Variants in FOXO1 observed in about 807,000 individuals in gnomAD.
FOXO1 encodes the protein forkhead box protein O1.
Under a neutral mutation model 44.1 loss-of-function variants are expected in FOXO1, and 6 were observed. The observed-to-expected ratio is 0.14, with a 90% CI of 0.07 to 0.27. The LOEUF (loss-of-function observed/expected upper bound fraction) is 0.27, where lower values mean the gene tolerates loss of function less well. FOXO1 is among the 10% of genes least tolerant of loss of function. FOXO1 has a pLI of 1.00. For missense variants in FOXO1, 737 were observed against 888.8 expected, an observed-to-expected ratio of 0.83 and a Z score of 2.17; for synonymous variants, 380 against 362.7, an observed-to-expected ratio of 1.05 and a Z score of -0.54.
At chr13:40,625,178 G>C (rs974680736) in intron 1 of FOXO1, among the ~76,000 whole-genome samples, 13 of 152,094 alleles carry the variant, frequency 8.5e-5, no homozygotes, top group Non-Finnish European at 1.5e-5. Context: ...TGGATTCAAC[G>C]TGGGGAAAAA....
rs1164601398 is a variant in FOXO1 at position 40,588,706 on chromosome 13, G to A, written c.631-27846C>T. ...GAACAACCCTCAACCAAATCTTCCT[G>A]AAAGAATTCAGAATGAGCAACTATG... On this transcript the variant is annotated intron_variant, in intron 1 of 2. Coordinates refer to ENST00000379561, the MANE Select transcript of FOXO1 (RefSeq NM_002015.4). Among the ~76,000 whole-genome samples the A allele has an allele frequency of 2.6e-5, 4 of 152,152 alleles. No individual in the cohort carries two copies. The East Asian group carries it at 7.7e-4, about 29-fold the overall frequency.
rs190277199 is a variant in FOXO1, at chr13:40,568,356, C to T, written c.631-7496G>A. 7.9e-5 allele frequency among the ~76,000 whole-genome samples: 12 copies of T among 152,296 alleles called. No individual in the cohort carries two copies. The East Asian group carries it at 1.9e-3, about 24-fold the overall frequency. The stretch of plus-strand genomic sequence containing the variant: ...TGTGTGCGATTGTTATGCAGGCTCC[C>T]GGCATGGCCTTTATTCCCTCCCTCC... On this transcript the variant is annotated intron_variant, in intron 1 of 2. Transcript: ENST00000379561.
intron 1 of FOXO1, among the ~76,000 whole-genome samples, chr13:40,563,173 C>G (rs1380225277): frequency 7.9e-5 from 12 of 152,220 alleles, no homozygotes; most frequent in Admixed American, 7.9e-4. Context: ...AGCCACAGCG[C>G]CCACATCCTC....
chr13:40,559,563 T>A lies in FOXO1; in HGVS notation c.1928A>T (p.His643Leu), dbSNP rs1873894858. The change falls in exon 2 of 3, where the codon CAC becomes CTC. Residue 643 changes from histidine to leucine, a missense_variant. This residue lies in a region of FOXO1 where 45 missense variants were observed against 78.3 expected (regional missense o/e 0.57). Transcript: ENST00000379561. ...DNVLPNQSFP[H>L]SVKTTTHSWV... ...GCTATGTGTCGTTGTCTTGACACTG[T>A]GTGGGAAGCTTTGGTTGGGCAACAC... 1.2e-6 allele frequency: 2 copies of A among 1,611,440 alleles called. No homozygotes were observed. The highest frequency in any genetic ancestry group is 1.7e-5 in the Admixed American group (1 of 59,908).
intron 1 of FOXO1, among the ~76,000 whole-genome samples, chr13:40,604,384 C>CTTTT (rs376293825): frequency 9.5e-5 from 14 of 146,684 alleles, no homozygotes; most frequent in African/African-American, 3.3e-4. Context: ...GGTGTCAGAT[C>CTTTT]TTTTTTTTTT....
chr13:40,592,786 T>C (rs1875432206), intron 1 of FOXO1, among the ~76,000 whole-genome samples: 1 of 152,186 alleles, frequency 6.6e-6, no homozygotes, highest in East Asian at 1.9e-4. Flanking sequence ...CTTTACACTT[T>C]ATTGCTTCAC....
chr13:40,584,624 G>T (rs957692460), intron 1 of FOXO1, among the ~76,000 whole-genome samples: 6 of 152,114 alleles, frequency 3.9e-5, no homozygotes, highest in African/African-American at 1.4e-4. Context: ...ACTCCAGCCA[G>T]GGGGGCAAAG....
In FOXO1 at chr13:40,666,227, C is replaced by A; in HGVS notation, c.-15G>T. On this transcript the variant is annotated 5_prime_UTR_variant, in exon 1 of 3. It adds an upstream start codon to the 5' untranslated region. Transcript: ENST00000379561. ...GCCTCGGCCATGGTGACCCCCGCCC[C>A]TCCCCCAGCCGCAGGAGAGCCAAGA... is the stretch of plus-strand genomic sequence containing the variant. 1.4e-6 allele frequency: 2 copies of A among 1,389,776 alleles called. No individual in the cohort carries two copies. Among genetic ancestry groups the A allele is most frequent in the Admixed American group, 3.1e-5 (1 of 31,774 alleles). The allele number at this position is 1,389,776 out of a possible 1,614,324, so 86.1% of individuals were successfully genotyped here.
At chr13:40,601,815 TA>T (rs1248953324) in intron 1 of FOXO1, among the ~76,000 whole-genome samples, 5 of 152,210 alleles carry the variant, frequency 3.3e-5, no homozygotes, top group African/African-American at 1.2e-4. Flanking sequence ...CTTGATTTGA[TA>T]AATACTTTGA....
intron 1 of FOXO1, among the ~76,000 whole-genome samples, chr13:40,618,346 G>A (rs1876494803): frequency 6.6e-6 from 1 of 152,140 alleles, no homozygotes; most frequent in Non-Finnish European, 1.5e-5. Flanking sequence ...CAAGAGCTGG[G>A]ATTATAGGCA....
chr13:40,556,645 T>C lies in FOXO1; in HGVS notation c.*2404A>G. The C allele has an allele frequency of 6.6e-6, 1 of 152,426 alleles. No homozygotes were observed. 9.4% of individuals were successfully genotyped at this position (152,426 alleles called of 1,614,324 possible). On this transcript the variant is annotated 3_prime_UTR_variant, in exon 3 of 3. Transcript: ENST00000379561. ...TGCCTTTCCCTGGACTTCACTGTTC[T>C]CAGAGAGCTACCAAGGATTCATGAC...
chr13:40,624,476 A>T (rs534594440), intron 1 of FOXO1, among the ~76,000 whole-genome samples: 2 of 152,320 alleles, frequency 1.3e-5, no homozygotes, highest in African/African-American at 4.8e-5. Context: ...CCAATCACTT[A>T]TAACATGTGT....
chr13:40,569,616 GT>G (rs1874404206), intron 1 of FOXO1, among the ~76,000 whole-genome samples: 6 of 152,218 alleles, frequency 3.9e-5, no homozygotes, highest in African/African-American at 1.4e-4. Flanking sequence ...GAAAAATTGT[GT>G]TTTCTCCCTG....
At chr13:40,654,270 G>C (rs1593416907) in intron 1 of FOXO1, among the ~76,000 whole-genome samples, 1 of 133,334 alleles carries the variant, frequency 7.5e-6, no homozygotes, top group African/African-American at 2.8e-5. Context: ...AAGGTCAGGA[G>C]TTCAAGACCA....
rs144907712 is a variant in FOXO1 at position 40,560,005 on chromosome 13, C to T, written c.1486G>A (p.Val496Ile). 29 of 1,614,022 alleles carry T rather than the reference C, an allele frequency of 1.8e-5. No homozygotes were observed. The African/African-American group carries it at 3.1e-4, about 17-fold the overall frequency. ...QPNSRVLGQN[V>I]MMGPNSVMST... ...ATGACCGAATTAGGGCCCATCATGA[C>T]GTTCTGGCCCAGAACCCGGCTGTTG... The change falls in exon 2 of 3, where the codon GTC becomes ATC. Residue 496 changes from valine to isoleucine, a missense_variant. Val to Ile is a conservative substitution (Grantham distance 29). This residue lies in a region of FOXO1 where 283 missense variants were observed against 278.1 expected (regional missense o/e 1.02). Coordinates refer to ENST00000379561, the MANE Select transcript of FOXO1 (RefSeq NM_002015.4). This position sits in a 1 kb window ranked among gnomAD's most constrained non-coding sequence, Gnocchi z 5.1.
intron 1 of FOXO1, among the ~76,000 whole-genome samples, chr13:40,565,677 A>G (rs1221762997): frequency 1.3e-5 from 2 of 152,232 alleles, no homozygotes; most frequent in East Asian, 1.9e-4. Flanking sequence ...TGTTGAACAG[A>G]TTAGTATTTC....
chr13:40,635,375 A>C (rs78636769), intron 1 of FOXO1, among the ~76,000 whole-genome samples: 1 of 152,164 alleles, frequency 6.6e-6, no homozygotes, highest in African/African-American at 2.4e-5. Flanking sequence ...GGAAAAAAAA[A>C]CTGTTCCTGA....
rs1214740346 is a variant in FOXO1 at position 40,666,411 on chromosome 13, A to G, written c.-199T>C. ...AGAACTTAACTTCGCGGGGCCATCC[A>G]CATCGAGGCTCCTCGGGGTCCGCCG... On this transcript the variant is annotated 5_prime_UTR_variant, in exon 1 of 3. Transcript: ENST00000379561. The G allele has an allele frequency of 4.7e-6, 2 of 425,790 alleles. No individual in the cohort carries two copies. Among genetic ancestry groups the G allele is most frequent in the Admixed American group, 8.9e-5 (2 of 22,486 alleles). 26.4% of individuals were successfully genotyped at this position (425,790 alleles called of 1,614,324 possible).
chr13:40,660,406 A>C (rs1224895394), intron 1 of FOXO1, among the ~76,000 whole-genome samples: 2 of 152,258 alleles, frequency 1.3e-5, no homozygotes, highest in African/African-American at 4.8e-5. Context: ...GGTAGTTTCC[A>C]AGGGCAGAGT....
Sources: allele counts gnomAD v4.1 joint callset (sites outside exome capture counted in the v4.1 genomes callset), GRCh38; gene constraint gnomAD v4.1.1; regional missense constraint gnomAD v4.1.1; non-coding constraint Gnocchi (gnomAD v3.1); transcripts MANE v1.5; gene names NCBI Gene and HGNC (gene_info 2026-07-23, HGNC 2026-07-21).